Variants in EDN1 observed in about 807,000 individuals in gnomAD.
The protein encoded by EDN1 is endothelin 1.
In EDN1, 11 loss-of-function variants were observed where a neutral mutation model predicts 21.7. That is an observed-to-expected ratio of 0.51 (90% CI 0.32 to 0.84). The LOEUF (loss-of-function observed/expected upper bound fraction) is 0.84, where lower values mean the gene tolerates loss of function less well. Ranked by LOEUF, EDN1 falls within the 40% of genes least tolerant of loss-of-function variation. EDN1 has a pLI of 0.03. For synonymous variants in EDN1, 85 were observed against 90.6 expected (o/e 0.94, Z 0.35); for missense variants, 244 against 262.3 (o/e 0.93, Z 0.48).
At chr6:12,241,324 C>T in the EDN1 span, among the ~76,000 whole-genome samples, 1 of 151,808 alleles carries the variant, frequency 6.6e-6, no homozygotes, top group Non-Finnish European at 1.5e-5. Context: ...CACCCCACAC[C>T]CGGCTAATTT....
At chr6:12,244,967 A>G in the EDN1 span, among the ~76,000 whole-genome samples, 1 of 152,232 alleles carries the variant, frequency 6.6e-6, no homozygotes. Context: ...ATAAGCCAAG[A>G]GCAAAATGTT....
At chr6:12,248,318 A>G in the EDN1 span, among the ~76,000 whole-genome samples, 1 of 152,144 alleles carries the variant, frequency 6.6e-6, no homozygotes. Flanking sequence ...TGAAACTTCT[A>G]GCTTCTAGCT....
the EDN1 span, among the ~76,000 whole-genome samples, chr6:12,270,725 T>C: frequency 6.6e-6 from 1 of 152,220 alleles, no homozygotes; most frequent in Non-Finnish European, 1.5e-5. Flanking sequence ...TTTCATGTGC[T>C]GTTGCGAAGA....
intron 1 of EDN1, among the ~76,000 whole-genome samples, chr6:12,292,079 C>T (rs1762695365): frequency 6.6e-6 from 1 of 152,186 alleles, no homozygotes. Flanking sequence ...GGGGAAGTCC[C>T]TTTTCAGGTG....
the EDN1 span, among the ~76,000 whole-genome samples, chr6:12,274,186 C>G: frequency 6.6e-6 from 1 of 152,168 alleles, no homozygotes; most frequent in African/African-American, 2.4e-5. Context: ...ACTAGGCCAG[C>G]TAAAACTTGA....
chr6:12,274,679 G>A, the EDN1 span, among the ~76,000 whole-genome samples: 51 of 152,168 alleles, frequency 3.4e-4, no homozygotes, highest in Non-Finnish European at 6.5e-4. Flanking sequence ...TACACTGTCT[G>A]GTGCTTTCAG....
chr6:12,288,844 C>G (rs1762609144), upstream of EDN1, among the ~76,000 whole-genome samples: 3 of 152,118 alleles, frequency 2.0e-5, no homozygotes. Flanking sequence ...GAAATTCATC[C>G]GTGCTTGAAT....
chr6:12,290,540 C>A lies in EDN1; in HGVS notation c.-90C>A. 1 of 1,074,474 alleles carries A rather than the reference C, an allele frequency of 9.3e-7. No homozygotes were observed. Among genetic ancestry groups the A allele is most frequent in the Non-Finnish European group, 1.4e-6 (1 of 697,052 alleles). The allele number at this position is 1,074,474 out of a possible 1,614,324, so 66.6% of individuals were successfully genotyped here. On this transcript the variant is annotated 5_prime_UTR_variant, in exon 1 of 5. Transcript: ENST00000379375. ...AGGATCGCTTTGAGATCTGAGGAAC[C>A]CGCAGCGCTTTGAGGGACCTGAAGC...
the EDN1 span, among the ~76,000 whole-genome samples, chr6:12,239,407 C>T: frequency 2.6e-4 from 39 of 152,212 alleles, 1 homozygote; most frequent in South Asian, 4.8e-3. Context: ...TTTTCTTGAC[C>T]GCCTTCCAGC....
chr6:12,285,490 C>T (rs1420338418), upstream of EDN1, among the ~76,000 whole-genome samples: 3 of 152,164 alleles, frequency 2.0e-5, no homozygotes, highest in African/African-American at 7.2e-5. Flanking sequence ...TAAGATATTG[C>T]AGTTGATGGA....
the EDN1 span, among the ~76,000 whole-genome samples, chr6:12,258,718 A>T: frequency 1.3e-5 from 2 of 152,168 alleles, no homozygotes; most frequent in African/African-American, 4.8e-5. Flanking sequence ...GCAGTTTAAA[A>T]CAAAGTGTCT....
chr6:12,282,586 C>G, the EDN1 span, among the ~76,000 whole-genome samples: 1 of 152,114 alleles, frequency 6.6e-6, no homozygotes. Flanking sequence ...CCTCTTCCTC[C>G]TCCTCCTTCT....
chr6:12,251,020 A>G, the EDN1 span, among the ~76,000 whole-genome samples: 3 of 152,222 alleles, frequency 2.0e-5, no homozygotes. Context: ...AGGTTTGCTA[A>G]GGAAATTGCC....
At chr6:12,231,476 T>C in the EDN1 span, among the ~76,000 whole-genome samples, 1 of 152,228 alleles carries the variant, frequency 6.6e-6, no homozygotes, top group Non-Finnish European at 1.5e-5. Flanking sequence ...GCTGCCCAGC[T>C]TTGACTATTA....
chr6:12,281,874 CT>C, the EDN1 span, among the ~76,000 whole-genome samples: 85 of 151,862 alleles, frequency 5.6e-4, no homozygotes, highest in African/African-American at 1.9e-3. Flanking sequence ...TTGATTATTT[CT>C]TTCATTTTCT....
At chr6:12,256,165 G>A in the EDN1 span, among the ~76,000 whole-genome samples, 1 of 152,096 alleles carries the variant, frequency 6.6e-6, no homozygotes, top group Non-Finnish European at 1.5e-5. Flanking sequence ...AGGCAACAAA[G>A]CGAGAGTCCC....
At chr6:12,252,890 TGAAAAAGAA>T in the EDN1 span, among the ~76,000 whole-genome samples, 15 of 152,116 alleles carry the variant, frequency 9.9e-5, no homozygotes, top group East Asian at 2.1e-3. Flanking sequence ...CAACCTGTAT[TGAAAAAGAA>T]GAAAAAGAAG....
At chr6:12,284,748 G>GAAAGAAAGA in the EDN1 span, among the ~76,000 whole-genome samples, 112 of 78,530 alleles carry the variant, frequency 1.4e-3, no homozygotes, top group Admixed American at 2.3e-3. Flanking sequence ...AGGAAGGAAG[G>GAAAGAAAGA]AAGAAAGAAA....
the EDN1 span, among the ~76,000 whole-genome samples, chr6:12,279,896 A>C: frequency 2.0e-5 from 3 of 152,252 alleles, no homozygotes; most frequent in African/African-American, 7.2e-5. Context: ...GTTGAAAGGG[A>C]AAGTGTTCAA....
Sources: allele counts gnomAD v4.1 joint callset (sites outside exome capture counted in the v4.1 genomes callset), GRCh38; gene constraint gnomAD v4.1.1; transcripts MANE v1.5; gene names NCBI Gene and HGNC (gene_info 2026-07-23, HGNC 2026-07-21).